The following CR1L variants were observed in gnomAD, a reference collection of about 807,000 sequenced individuals.
The protein encoded by CR1L is complement component receptor 1-like protein.
A neutral mutation model predicts 62.3 loss-of-function variants in CR1L; 59 were observed. The observed-to-expected ratio is 0.95, with a 90% CI of 0.77 to 1.18. The LOEUF is 1.18. Ranked by LOEUF, CR1L falls within the 50% of genes most tolerant of loss-of-function variation. The pLI, the probability that CR1L is intolerant of heterozygous loss-of-function variation, is 0.00. For synonymous variants in CR1L, 279 were observed against 248.7 expected, an observed-to-expected ratio of 1.12 and a Z score of -1.15; for missense variants, 700 against 702.8, an observed-to-expected ratio of 1.00 and a Z score of 0.04.
intron 4 of CR1L, among the ~76,000 whole-genome samples, chr1:207,694,106 G>A (rs1664034382): frequency 6.6e-6 from 1 of 152,050 alleles, no homozygotes; most frequent in South Asian, 2.1e-4. Flanking sequence ...TATAATCAAA[G>A]GGCTATTTAA....
At position 207,697,570 on chromosome 1, in the gene CR1L, C is replaced by T. The variant is rs377056769; in HGVS notation, c.930C>T (p.Pro310=). The part of the protein sequence containing the change: ...RTQRDKDNFS[P]GQEVFYSCEP... Reference sequence around the variant, plus strand: ...AAAGGGACAAGGACAACTTTTCACCCGGGCAGGAAGTGTTCTACAGCTGTG... The same window carrying T: ...AAAGGGACAAGGACAACTTTTCACCTGGGCAGGAAGTGTTCTACAGCTGTG... Residue 310 remains proline, a synonymous_variant, in exon 6 of 12, where the codon CCC becomes CCT. Coordinates refer to ENST00000508064, the MANE Select transcript of CR1L (RefSeq NM_175710.2). 816 of 1,613,780 alleles carry T rather than the reference C, an allele frequency of 5.1e-4. 2 individuals are homozygous for T. The highest frequency in any genetic ancestry group is 6.6e-4 in the Middle Eastern group (4 of 6,058).
chr1:207,718,300 T>C (rs1654052958), intron 11 of CR1L, among the ~76,000 whole-genome samples: 1 of 152,210 alleles, frequency 6.6e-6, no homozygotes, highest in Admixed American at 6.5e-5. Context: ...TCCTTTGATA[T>C]ATTACTCTGG....
chr1:207,686,712 T>C (rs1305337938), intron 4 of CR1L, among the ~76,000 whole-genome samples: 1 of 152,242 alleles, frequency 6.6e-6, no homozygotes, highest in Admixed American at 6.5e-5. Context: ...TGGTATTTAG[T>C]ATATTCATAA....
intron 4 of CR1L, among the ~76,000 whole-genome samples, chr1:207,692,535 A>G (rs746444329): frequency 6.6e-6 from 1 of 152,158 alleles, no homozygotes; most frequent in Non-Finnish European, 1.5e-5. Flanking sequence ...TGTGCCCTGC[A>G]TGGACTTCGC....
At position 207,669,797 on chromosome 1, in the gene CR1L, A is replaced by C. The variant is rs563120553; in HGVS notation, c.98-7592A>C. On this transcript the variant is annotated intron_variant, in intron 1 of 11. Transcript: ENST00000508064. ...GTGGAGTTCCCACGTGCAGGGGCTT[A>C]AGTCGTGACGAGCGCAGTGGAAGGC... Among the ~76,000 whole-genome samples, 13 of 151,354 alleles carry C rather than the reference A, an allele frequency of 8.6e-5. 2 individuals are homozygous for C. Among genetic ancestry groups the C allele is most frequent in the African/African-American group, 3.2e-4 (13 of 40,616 alleles).
chr1:207,662,051 C>T (rs1395083957), intron 1 of CR1L, among the ~76,000 whole-genome samples: 3 of 152,222 alleles, frequency 2.0e-5, no homozygotes, highest in South Asian at 4.2e-4. Context: ...GTGGGTAACC[C>T]GACCTTTCTC....
intron 1 of CR1L, chr1:207,655,210 A>C: frequency 1.5e-6 from 1 of 677,888 alleles, no homozygotes; most frequent in Non-Finnish European, 2.6e-6. Context: ...ATTGGTAAAG[A>C]AATTCTATAT....
At chr1:207,697,353 G>A in intron 5 of CR1L, 150 bp from the exon 6 acceptor site, 2 of 1,515,864 alleles carry the variant, frequency 1.3e-6, no homozygotes, top group Non-Finnish European at 1.8e-6. Flanking sequence ...TCCTCGCCCT[G>A]TGTATTTAGT....
intron 4 of CR1L, among the ~76,000 whole-genome samples, chr1:207,686,356 C>T (rs1344764307): frequency 6.6e-6 from 1 of 151,614 alleles, no homozygotes; most frequent in Non-Finnish European, 1.5e-5. Context: ...TTACAGTAGG[C>T]TTTTTGTAGG....
In CR1L at chr1:207,706,107, C is replaced by G. The variant is rs540023971; in HGVS notation, c.1329-2071C>G. Among the ~76,000 whole-genome samples, 5 of 150,218 alleles carry G rather than the reference C, an allele frequency of 3.3e-5. No homozygotes were observed. In the South Asian group the frequency reaches 1.0e-3, roughly 32 times the overall value. ...AAGAAGAGTTAACCAAATTTTCCCTCAATGCAGTGGGAAAAGATGAAAAGG... is the reference window on the plus strand; with the variant it reads ...AAGAAGAGTTAACCAAATTTTCCCTGAATGCAGTGGGAAAAGATGAAAAGG... On this transcript the variant is annotated intron_variant, in intron 9 of 11. Transcript: ENST00000508064.
intron 9 of CR1L, among the ~76,000 whole-genome samples, chr1:207,704,389 G>A (rs1664239212): frequency 6.6e-6 from 1 of 152,214 alleles, no homozygotes; most frequent in Non-Finnish European, 1.5e-5. Context: ...GATGCCATGA[G>A]CATTGTTAAA....
chr1:207,657,945 T>C (rs2102443586), intron 1 of CR1L, among the ~76,000 whole-genome samples: 1 of 152,256 alleles, frequency 6.6e-6, no homozygotes, highest in East Asian at 1.9e-4. Flanking sequence ...AAATACATTA[T>C]CTGATCACAA....
chr1:207,647,651 C>A (rs2102436056), intron 1 of CR1L, among the ~76,000 whole-genome samples: 1 of 152,182 alleles, frequency 6.6e-6, no homozygotes, highest in East Asian at 1.9e-4. Flanking sequence ...GGGCTTAGAG[C>A]CTAGGAAAAA....
At chr1:207,672,770 G>A (rs1207803032) in intron 1 of CR1L, among the ~76,000 whole-genome samples, 1 of 152,108 alleles carries the variant, frequency 6.6e-6, no homozygotes, top group Non-Finnish European at 1.5e-5. Context: ...TTCCCTGCTA[G>A]GTAAAGGTGC....
At chr1:207,710,785 G>C in intron 10 of CR1L, 1 of 1,596,626 alleles carries the variant, frequency 6.3e-7, no homozygotes, top group Non-Finnish European at 8.6e-7. Flanking sequence ...TGCTCCAGGG[G>C]TGTGTTTGCC....
At position 207,683,923 on chromosome 1, in the gene CR1L, T is replaced by C. The variant is rs750261373; in HGVS notation, c.429T>C (p.Thr143=). 1 of 1,613,576 alleles carries C rather than the reference T, an allele frequency of 6.2e-7. No homozygotes were observed. The highest frequency in any genetic ancestry group is 1.1e-5 in the South Asian group (1 of 91,014). ...SSATCIISGN[T]VIWDNKTPVC... Reference sequence around the variant, plus strand: ...CCACATGCATCATCTCAGGCAACACTGTCATTTGGGATAATAAAACACCTG... The same window carrying C: ...CCACATGCATCATCTCAGGCAACACCGTCATTTGGGATAATAAAACACCTG... The change falls in exon 4 of 12, where the codon ACT becomes ACC. Residue 143 remains threonine, a synonymous_variant. Coordinates refer to ENST00000508064, the MANE Select transcript of CR1L (RefSeq NM_175710.2).
intron 8 of CR1L, among the ~76,000 whole-genome samples, chr1:207,701,271 G>A (rs896941598): frequency 6.6e-6 from 1 of 152,042 alleles, no homozygotes; most frequent in Admixed American, 6.6e-5. Context: ...TTTTGATAAG[G>A]GATGCAAGGT....
At chr1:207,645,566 G>T (rs184690344) in intron 1 of CR1L, among the ~76,000 whole-genome samples, 1 of 152,316 alleles carries the variant, frequency 6.6e-6, no homozygotes, top group African/African-American at 2.4e-5. Flanking sequence ...ATTTACGCAG[G>T]ATCTGGCTGC....
chr1:207,687,745 A>G (rs761883971), intron 4 of CR1L, among the ~76,000 whole-genome samples: 13 of 152,290 alleles, frequency 8.5e-5, no homozygotes, highest in African/African-American at 1.4e-4. Flanking sequence ...TGAAGGGCCT[A>G]TTCCAAACTT....
Sources: allele counts gnomAD v4.1 joint callset (sites outside exome capture counted in the v4.1 genomes callset), GRCh38; gene constraint gnomAD v4.1.1; transcripts MANE v1.5; gene names NCBI Gene and HGNC (gene_info 2026-07-23, HGNC 2026-07-21).